The following HDAC9 variants were observed in gnomAD, a reference collection of about 807,000 sequenced individuals.
HDAC9 encodes histone deacetylase 9, also known as MEF-2 interacting transcription repressor (MITR) protein.
A neutral mutation model predicts 139.4 loss-of-function variants in HDAC9; 41 were observed. The observed-to-expected ratio is 0.29, with a 90% confidence interval of 0.23 to 0.38. The LOEUF (loss-of-function observed/expected upper bound fraction) is 0.38. Ranked by LOEUF, HDAC9 falls within the 10% of genes least tolerant of loss-of-function variation. HDAC9 has a pLI of 1.00. For synonymous variants in HDAC9, 517 were observed against 476.2 expected, an observed-to-expected ratio of 1.09 and a Z score of -1.12; for missense variants, 1,147 against 1,297.0, an observed-to-expected ratio of 0.88 and a Z score of 1.78.
At chr7:18,672,003 ATGC>A (rs1795703286) in intron 12 of HDAC9, among the ~76,000 whole-genome samples, 1 of 152,074 alleles carries the variant, frequency 6.6e-6, no homozygotes, top group African/African-American at 2.4e-5. Context: ...ATTATGAATA[ATGC>A]TGCTGTGATC....
At chr7:18,346,354 C>G (rs886194823) in intron 1 of HDAC9, among the ~76,000 whole-genome samples, 1 of 152,124 alleles carries the variant, frequency 6.6e-6, no homozygotes, top group African/African-American at 2.4e-5. Context: ...GTCATTACAT[C>G]TTTATGACTA....
At chr7:18,989,753 C>CTTT (rs1184888472) in intron 25 of HDAC9, among the ~76,000 whole-genome samples, 1 of 80,582 alleles carries the variant, frequency 1.2e-5, no homozygotes, top group Admixed American at 1.4e-4. Flanking sequence ...TTGCTCATTT[C>CTTT]TTCTTATGCT....
At chr7:18,462,347 A>G (rs950140368) in intron 1 of HDAC9, among the ~76,000 whole-genome samples, 2 of 152,018 alleles carry the variant, frequency 1.3e-5, no homozygotes, top group Non-Finnish European at 2.9e-5. Context: ...GGTTCACATT[A>G]TTACTCGATT....
At position 18,998,991 on chromosome 7, in the gene HDAC9, CAAAT is replaced by C. The variant is rs1190761324; in HGVS notation, c.*2933_*2936del. On this transcript the variant is annotated 3_prime_UTR_variant, in exon 26 of 26. Transcript: ENST00000686413. ...TATTAAATAGTAACCAAAATGGACT[CAAAT>C]AAAACCAGAGGCTATGTTACCATTG... 2.6e-5 allele frequency: 4 copies of C among 152,022 alleles called. No individual in the cohort carries two copies. Among genetic ancestry groups the C allele is most frequent in the African/African-American group, 9.7e-5 (4 of 41,398 alleles). 9.4% of individuals were successfully genotyped at this position (152,022 alleles called of 1,614,324 possible).
In HDAC9 at chr7:18,833,291, T is replaced by A. The variant is rs533161860; in HGVS notation, c.2467-2176T>A. Among the ~76,000 whole-genome samples, 9 of 152,318 alleles carry A rather than the reference T, an allele frequency of 5.9e-5. No individual in the cohort carries two copies. In the South Asian group the frequency reaches 1.7e-3, roughly 28 times the overall value. ...AACAGATTTTTCAAGAACAAATAAT[T>A]TTATATCTGAGAGAACATATCATTT... On this transcript the variant is annotated intron_variant, in intron 19 of 25. Transcript: ENST00000686413.
intron 2 of HDAC9, chr7:18,502,650 T>C (rs1402276732): frequency 6.6e-6 from 1 of 152,210 alleles, no homozygotes; most frequent in African/African-American, 2.4e-5. Context: ...GTAAGTATTT[T>C]TTACTAGTAT....
chr7:18,889,009 T>G (rs1439069538), intron 22 of HDAC9, among the ~76,000 whole-genome samples: 3 of 152,212 alleles, frequency 2.0e-5, no homozygotes, highest in African/African-American at 7.2e-5. Flanking sequence ...CAATTGACTA[T>G]CTGTGGCGTA....
chr7:18,221,503 C>T (rs1280903719), intron 2 of HDAC9, among the ~76,000 whole-genome samples: 1 of 152,164 alleles, frequency 6.6e-6, no homozygotes, highest in Non-Finnish European at 1.5e-5. Context: ...ATGTTAGTCT[C>T]AGCATCCCAT....
chr7:18,748,075 T>G (rs984902946), intron 13 of HDAC9, among the ~76,000 whole-genome samples: 5 of 152,234 alleles, frequency 3.3e-5, no homozygotes, highest in African/African-American at 1.2e-4. Context: ...TAATTTCTTA[T>G]GTCAGGCAAT....
At chr7:18,846,354 C>A (rs1318151053) in intron 21 of HDAC9, among the ~76,000 whole-genome samples, 1 of 152,100 alleles carries the variant, frequency 6.6e-6, no homozygotes, top group Non-Finnish European at 1.5e-5. Flanking sequence ...CTGGGACCCA[C>A]CCTCAGACAA....
At chr7:18,683,535 C>G (rs961500352) in intron 12 of HDAC9, among the ~76,000 whole-genome samples, 1 of 152,092 alleles carries the variant, frequency 6.6e-6, no homozygotes, top group Non-Finnish European at 1.5e-5. Flanking sequence ...ATCTTTACTT[C>G]CCTACACTAC....
At chr7:18,922,588 A>T (rs994679587) in intron 22 of HDAC9, among the ~76,000 whole-genome samples, 2 of 152,054 alleles carry the variant, frequency 1.3e-5, no homozygotes, top group Non-Finnish European at 1.5e-5. Context: ...ATTTTAACAA[A>T]CACCCAGGAG....
intron 13 of HDAC9, among the ~76,000 whole-genome samples, chr7:18,729,858 G>A (rs1785887124): frequency 1.3e-5 from 2 of 151,940 alleles, no homozygotes; most frequent in East Asian, 1.9e-4. Flanking sequence ...TACTTAATAG[G>A]CATTCAATAA....
chr7:18,175,281 CT>C (rs1333546307), intron 2 of HDAC9, among the ~76,000 whole-genome samples: 4 of 152,202 alleles, frequency 2.6e-5, no homozygotes, highest in Non-Finnish European at 5.9e-5. Context: ...GGGATATAAT[CT>C]TTTGGTGTGC....
intron 2 of HDAC9, among the ~76,000 whole-genome samples, chr7:18,205,508 T>A (rs1310575589): frequency 1.3e-5 from 2 of 151,992 alleles, no homozygotes; most frequent in Admixed American, 1.3e-4. Context: ...ATGCTACAAA[T>A]CCAGAATGGA....
intron 12 of HDAC9, among the ~76,000 whole-genome samples, chr7:18,706,626 G>A (rs1783942519): frequency 6.6e-6 from 1 of 152,182 alleles, no homozygotes; most frequent in African/African-American, 2.4e-5. Context: ...GGAGGACTTT[G>A]TCCTGAGAGA....
At chr7:18,784,589 C>T (rs1791536945) in intron 16 of HDAC9, among the ~76,000 whole-genome samples, 1 of 151,940 alleles carries the variant, frequency 6.6e-6, no homozygotes, top group Admixed American at 6.6e-5. Flanking sequence ...GATAGGAGAG[C>T]ACTGAGGAAG....
At chr7:18,732,497 A>AC (rs1786163484) in intron 13 of HDAC9, among the ~76,000 whole-genome samples, 1 of 151,114 alleles carries the variant, frequency 6.6e-6, no homozygotes, top group Admixed American at 6.6e-5. Flanking sequence ...ATGTGTATAT[A>AC]TGTGTATATA....
chr7:18,929,956 A>T (rs1047395496), intron 22 of HDAC9, among the ~76,000 whole-genome samples: 1 of 151,498 alleles, frequency 6.6e-6, no homozygotes, highest in Non-Finnish European at 1.5e-5. Context: ...AAAATATCTG[A>T]AACAATATGA....
Sources: gnomAD v4.1 joint callset for allele counts (sites outside exome capture counted in the v4.1 genomes callset) on GRCh38, gnomAD v4.1.1 for gene constraint, MANE v1.5 for transcripts, NCBI Gene and HGNC (gene_info 2026-07-23, HGNC 2026-07-21) for gene names.